The following ADD3 variants were observed in gnomAD, a reference collection of about 807,000 sequenced individuals.
ADD3 encodes the protein adducin 3.
A neutral mutation model predicts 80.2 loss-of-function variants in ADD3; 25 were observed. That is an observed-to-expected ratio of 0.31 (90% CI 0.23 to 0.44). The LOEUF (loss-of-function observed/expected upper bound fraction) is 0.44. Ranked by LOEUF, ADD3 falls within the 20% of genes least tolerant of loss-of-function variation. ADD3 has a pLI of 1.00. For synonymous variants in ADD3, 284 were observed against 289.6 expected (o/e 0.98, Z 0.20); for missense variants, 829 against 847.5 (o/e 0.98, Z 0.27).
At chr10:110,112,731 G>A (rs1850207167) in intron 2 of ADD3, 46 bp from the exon 3 acceptor site, 1 of 1,576,200 alleles carries the variant, frequency 6.3e-7, no homozygotes, top group African/African-American at 1.4e-5. Flanking sequence ...GTTACTTTTG[G>A]GCCATTCAGT....
At chr10:110,101,000 A>G (rs1261412310) in intron 2 of ADD3, 152 bp downstream of exon 2, 24 of 633,164 alleles carry the variant, frequency 3.8e-5, no homozygotes, top group Non-Finnish European at 5.9e-5. Context: ...AGAAATGGAC[A>G]TCTAATTTGT....
At chr10:110,062,055 C>T (rs192213308) in intron 1 of ADD3, among the ~76,000 whole-genome samples, 106 of 151,590 alleles carry the variant, frequency 7.0e-4, no homozygotes, top group Non-Finnish European at 9.6e-4. Context: ...GAGGACACCC[C>T]ATCTCTACAA....
At position 110,121,967 on chromosome 10, in the gene ADD3, G is replaced by A. The variant is rs557062709; in HGVS notation, c.961-143G>A. Reference sequence around the variant, plus strand: ...ATACTTCAGCTGTCTGCTGGCACAAGAGTGTCATCTTGTCTTTGTTGTTAG... The same window carrying A: ...ATACTTCAGCTGTCTGCTGGCACAAAAGTGTCATCTTGTCTTTGTTGTTAG... On this transcript the variant is annotated intron_variant, in intron 8 of 14. Coordinates refer to ENST00000356080, the MANE Select transcript of ADD3 (RefSeq NM_016824.5). 2.5e-4 allele frequency: 150 copies of A among 598,926 alleles called. 1 individual carries two copies. The African/African-American group carries it at 2.7e-3, about 11-fold the overall frequency. The allele number at this position is 598,926 out of a possible 1,614,324, so 37.1% of individuals were successfully genotyped here.
In ADD3 at chr10:110,132,646, G is replaced by T. The variant is rs946551534; in HGVS notation, c.1828+246G>T. On this transcript the variant is annotated intron_variant, in intron 14 of 14. Transcript: ENST00000356080. ...GCAGTTCTTAAGAATTTGTGGAATT[G>T]GCTGGGCGCGGTGGCTCACACCTGT... 5.1e-5 allele frequency: 21 copies of T among 413,532 alleles called. No individual in the cohort carries two copies. The Middle Eastern group carries it at 2.1e-3, about 42-fold the overall frequency. 25.6% of individuals were successfully genotyped at this position (413,532 alleles called of 1,614,324 possible). A position where few individuals can be genotyped will look rare whatever the true frequency, so the allele number is the denominator to read the frequency against.
At chr10:110,085,080 AT>A (rs1201666950) in intron 1 of ADD3, among the ~76,000 whole-genome samples, 1 of 151,890 alleles carries the variant, frequency 6.6e-6, no homozygotes, top group Non-Finnish European at 1.5e-5. Flanking sequence ...ATTCCCCCCC[AT>A]TTTTTGATAT....
At chr10:110,121,948 C>G (rs747193288) in intron 8 of ADD3, 162 bp from the exon 9 acceptor site, 1 of 516,888 alleles carries the variant, frequency 1.9e-6, no homozygotes, top group Non-Finnish European at 3.3e-6. Context: ...AAAGATACTT[C>G]AGCTGTCTGC....
chr10:110,103,304 T>C (rs1347474613), intron 2 of ADD3, among the ~76,000 whole-genome samples: 1 of 152,258 alleles, frequency 6.6e-6, no homozygotes, highest in Non-Finnish European at 1.5e-5. Flanking sequence ...TCACCATTTC[T>C]GTGGGTCAGA....
intron 9 of ADD3, 59 bp downstream of exon 9, chr10:110,122,351 G>C: frequency 6.7e-7 from 1 of 1,496,928 alleles, no homozygotes; most frequent in East Asian, 2.3e-5. Context: ...AAGAGCAGAT[G>C]CTTCCATTTT....
chr10:110,026,250 T>C (rs1247484941), intron 1 of ADD3, among the ~76,000 whole-genome samples: 1 of 151,656 alleles, frequency 6.6e-6, no homozygotes, highest in Non-Finnish European at 1.5e-5. Context: ...TTGAGTGAAA[T>C]AGATTATAGA....
chr10:110,073,159 T>TTC (rs1554932882), intron 1 of ADD3, among the ~76,000 whole-genome samples: 1 of 146,934 alleles, frequency 6.8e-6, no homozygotes, highest in African/African-American at 2.6e-5. Context: ...TTTTTTTTTT[T>TTC]CGAGACTGGG....
chr10:110,103,175 C>A (rs897841721), intron 2 of ADD3, among the ~76,000 whole-genome samples: 3 of 152,070 alleles, frequency 2.0e-5, no homozygotes, highest in Non-Finnish European at 2.9e-5. Context: ...TTTTAAGTTT[C>A]TTTTAATGCA....
intron 10 of ADD3, among the ~76,000 whole-genome samples, chr10:110,125,521 GATCA>G (rs146772684): frequency 0.017 from 2,574 of 152,074 alleles, 69 homozygotes; most frequent in African/African-American, 0.055. Flanking sequence ...GTGAATGTGA[GATCA>G]TGCTCTCTGT....
intron 1 of ADD3, among the ~76,000 whole-genome samples, chr10:110,018,204 C>T (rs1419312659): frequency 6.6e-6 from 1 of 152,064 alleles, no homozygotes; most frequent in Non-Finnish European, 1.5e-5. Flanking sequence ...ATACAGAAAA[C>T]AAATGCCACA....
intron 1 of ADD3, among the ~76,000 whole-genome samples, chr10:110,091,115 A>G (rs915187475): frequency 1.3e-5 from 2 of 152,202 alleles, no homozygotes; most frequent in Non-Finnish European, 2.9e-5. Flanking sequence ...GACTTTGTGC[A>G]AATTTTATTG....
At position 110,030,344 on chromosome 10, in the gene ADD3, G is replaced by A. The variant is rs1416920146; in HGVS notation, c.-30+22045G>A. Among the ~76,000 whole-genome samples, 18 of 149,556 alleles carry A rather than the reference G, an allele frequency of 1.2e-4. 1 individual carries two copies. The highest frequency in any genetic ancestry group is 4.4e-4 in the African/African-American group (18 of 40,464). ...ATCTTAAAAAAAAAAAAAAAAGAAA[G>A]TGGTGATTATTATGTGATTGGCATT... On this transcript the variant is annotated intron_variant, in intron 1 of 14. Coordinates refer to ENST00000356080, the MANE Select transcript of ADD3 (RefSeq NM_016824.5).
intron 1 of ADD3, among the ~76,000 whole-genome samples, chr10:110,044,776 G>T (rs774472941): frequency 4.6e-5 from 7 of 152,306 alleles, no homozygotes; most frequent in Non-Finnish European, 8.8e-5. Context: ...GAAGCTATGT[G>T]ATTTATACTT....
chr10:110,006,315 T>A (rs1317110423), upstream of ADD3, among the ~76,000 whole-genome samples: 2 of 152,222 alleles, frequency 1.3e-5, no homozygotes, highest in Admixed American at 1.3e-4. Context: ...TAGTGAGGAC[T>A]ATATTCTGAT....
chr10:110,042,524 T>C (rs1005318929), intron 1 of ADD3, among the ~76,000 whole-genome samples: 3 of 152,160 alleles, frequency 2.0e-5, no homozygotes, highest in African/African-American at 7.2e-5. Flanking sequence ...ACAACACTCA[T>C]GATTTTTAAA....
chr10:110,114,031 A>T (rs907131913), intron 3 of ADD3, among the ~76,000 whole-genome samples: 1 of 152,184 alleles, frequency 6.6e-6, no homozygotes, highest in Non-Finnish European at 1.5e-5. Flanking sequence ...GGAAAACAGA[A>T]ATAGTAAAAG....
Sources: gnomAD v4.1 joint callset for allele counts (sites outside exome capture counted in the v4.1 genomes callset) on GRCh38, gnomAD v4.1.1 for gene constraint, MANE v1.5 for transcripts, NCBI Gene and HGNC (gene_info 2026-07-23, HGNC 2026-07-21) for gene names.